CYP4F22: variants seen among roughly 807,000 people sequenced by gnomAD.
CYP4F22 encodes the protein ultra-long-chain fatty acid omega-hydroxylase.
Under a neutral mutation model 60.4 loss-of-function variants are expected in CYP4F22, and 37 were observed. The ratio of observed to expected loss-of-function variants is 0.61; its 90% CI spans 0.47 to 0.81. The LOEUF is 0.81. Ranked by LOEUF, CYP4F22 falls within the 30% of genes least tolerant of loss-of-function variation. The probability of loss-of-function intolerance (pLI) is 0.00; values close to 1 mark genes in which losing one functional copy is unlikely to be tolerated. For missense variants in CYP4F22, 655 were observed against 715.0 expected (o/e 0.92, Z 0.96); for synonymous variants, 258 against 280.5 (o/e 0.92, Z 0.80).
intron 1 of CYP4F22, among the ~76,000 whole-genome samples, chr19:15,518,520 G>T (rs540739281): frequency 1.4e-4 from 21 of 150,080 alleles, no homozygotes; most frequent in Non-Finnish European, 2.1e-4. Context: ...GTGGTGGCAG[G>T]CGCCTGTAAT....
At chr19:15,536,603 A>T (rs1399933534) in intron 4 of CYP4F22, among the ~76,000 whole-genome samples, 1 of 152,166 alleles carries the variant, frequency 6.6e-6, no homozygotes, top group East Asian at 1.9e-4. Flanking sequence ...GGTGTGATTC[A>T]GATGGCCTGA....
chr19:15,525,633 G>A, intron 3 of CYP4F22, 75 bp downstream of exon 3: 2 of 1,418,202 alleles, frequency 1.4e-6, no homozygotes, highest in Non-Finnish European at 1.9e-6. Flanking sequence ...TGGTGGGCCT[G>A]CTGGCTTCCC....
intron 8 of CYP4F22, 46 bp from the exon 9 acceptor site, chr19:15,543,925 G>A (rs1481727031): frequency 6.2e-7 from 1 of 1,608,620 alleles, no homozygotes; most frequent in Non-Finnish European, 8.5e-7. Context: ...CTAGGATGCG[G>A]AGGGTGGGAT....
At chr19:15,549,067 C>T in intron 11 of CYP4F22, 71 bp from the exon 12 acceptor site, 1 of 1,568,670 alleles carries the variant, frequency 6.4e-7, no homozygotes, top group Non-Finnish European at 8.8e-7. Context: ...CTAGGGAGAC[C>T]CAAGTTGGGG....
intron 1 of CYP4F22, among the ~76,000 whole-genome samples, chr19:15,509,935 T>TTTC: frequency 7.2e-6 from 1 of 138,554 alleles, no homozygotes; most frequent in East Asian, 3.2e-4. Flanking sequence ...CTTTCTTTCT[T>TTTC]TCTTTCTTTC....
In CYP4F22 at chr19:15,551,769, C is replaced by T; in HGVS notation, c.*298C>T. ...CCTGCCCCCTTGGGCTCAGGCCCCG[C>T]CCCCAGGATCCTACGGATTGAGGTC... On this transcript the variant is annotated 3_prime_UTR_variant, in exon 14 of 14. Coordinates refer to ENST00000269703, the MANE Select transcript of CYP4F22 (RefSeq NM_173483.4). 4.0e-6 allele frequency: 2 copies of T among 503,694 alleles called. No homozygotes were observed. The highest frequency in any genetic ancestry group is 7.2e-6 in the Non-Finnish European group (2 of 278,206). 31.2% of individuals were successfully genotyped at this position (503,694 alleles called of 1,614,324 possible). A position where few individuals can be genotyped will look rare whatever the true frequency, so the allele number is the denominator to read the frequency against.
In CYP4F22 at chr19:15,546,317, C is replaced by G. The variant is rs559641774; in HGVS notation, c.1137-1791C>G. On this transcript the variant is annotated intron_variant, in intron 10 of 13. Transcript: ENST00000269703. ...AGAGAACCTGGGCCAGGTGCAGTGG[C>G]TCATGCCTGTAATCCCAGCACTTTG... 3.9e-5 allele frequency among the ~76,000 whole-genome samples: 6 copies of G among 152,216 alleles called. No homozygotes were observed. In the South Asian group the frequency reaches 1.2e-3, roughly 32 times the overall value.
At chr19:15,547,963 G>T (rs1213854236) in intron 10 of CYP4F22, 145 bp from the exon 11 acceptor site, 1 of 1,248,932 alleles carries the variant, frequency 8.0e-7, no homozygotes, top group East Asian at 2.4e-5. Flanking sequence ...TTGCCCAGCT[G>T]CCCCTGAGAG....
chr19:15,550,384 C>T (rs930258461), intron 12 of CYP4F22, among the ~76,000 whole-genome samples: 14 of 152,120 alleles, frequency 9.2e-5, no homozygotes, highest in African/African-American at 3.4e-4. Context: ...AAGGCCTTGC[C>T]GAGGAGATGT....
chr19:15,514,687 G>A (rs1205891735), intron 1 of CYP4F22, among the ~76,000 whole-genome samples: 1 of 151,384 alleles, frequency 6.6e-6, no homozygotes, highest in Non-Finnish European at 1.5e-5. Context: ...AAGAAAGAAA[G>A]AAAAAGAAAG....
intron 1 of CYP4F22, among the ~76,000 whole-genome samples, chr19:15,511,315 T>A (rs1175523870): frequency 6.6e-6 from 1 of 151,746 alleles, no homozygotes; most frequent in East Asian, 1.9e-4. Flanking sequence ...AAAAATTAGC[T>A]GAGCATGGTG....
intron 1 of CYP4F22, among the ~76,000 whole-genome samples, chr19:15,515,717 CTCTG>C (rs992224341): frequency 6.9e-4 from 104 of 151,736 alleles, no homozygotes; most frequent in African/African-American, 2.3e-3. Context: ...CAGAGCGAGA[CTCTG>C]TCTTTTTTTT....
At chr19:15,536,881 A>G (rs566466141) in intron 4 of CYP4F22, among the ~76,000 whole-genome samples, 1 of 152,268 alleles carries the variant, frequency 6.6e-6, no homozygotes, top group East Asian at 1.9e-4. Context: ...GCTCATGTTC[A>G]GATCAGTGTT....
chr19:15,509,908 T>TTCCTTC (rs1568350853), intron 1 of CYP4F22, among the ~76,000 whole-genome samples: 1,164 of 100,222 alleles, frequency 0.012, 12 homozygotes, highest in East Asian at 0.019. Context: ...TTCCTTCCTT[T>TTCCTTC]CTTTCTTTCC....
At chr19:15,517,113 G>C (rs971410643) in intron 1 of CYP4F22, among the ~76,000 whole-genome samples, 1 of 152,104 alleles carries the variant, frequency 6.6e-6, no homozygotes, top group Non-Finnish European at 1.5e-5. Context: ...GAGCCACCGT[G>C]CCCGACCTCA....
Position 15,548,344 on chromosome 19 carries a change from C to T in CYP4F22, c.1270+103C>T, listed in dbSNP as rs1284573015. ...TATGCCTGCCCCAGGTGCACTATCC[C>T]TGCAGATGGGATAGCTCTCTGTGTG... On this transcript the variant is annotated intron_variant, in intron 11 of 13. Transcript: ENST00000269703. The T allele has an allele frequency of 1.6e-5, 24 of 1,531,848 alleles. No individual in the cohort carries two copies. In the East Asian group the frequency reaches 5.0e-4, roughly 32 times the overall value. 94.9% of individuals were successfully genotyped at this position (1,531,848 alleles called of 1,614,324 possible).
At chr19:15,515,084 G>A (rs1971137785) in intron 1 of CYP4F22, among the ~76,000 whole-genome samples, 1 of 152,122 alleles carries the variant, frequency 6.6e-6, no homozygotes, top group East Asian at 1.9e-4. Context: ...CAGCTGGCTG[G>A]GCAGCCCTTC....
rs751553962 is a variant in CYP4F22, at chr19:15,549,217, C to T, written c.1335+15C>T. 6 of 1,613,910 alleles carry T rather than the reference C, an allele frequency of 3.7e-6. No homozygotes were observed. In the East Asian group the frequency reaches 1.3e-4, roughly 36 times the overall value. On this transcript the variant is annotated intron_variant, in intron 12 of 13. Transcript: ENST00000269703. Reference sequence around the variant, plus strand: ...CTGACTCCAAGGTGAGTGCCTGCCCCACTCCTCCCTGCCCTCAGGTCCTCC... The same window carrying T: ...CTGACTCCAAGGTGAGTGCCTGCCCTACTCCTCCCTGCCCTCAGGTCCTCC...
chr19:15,542,028 T>C (rs1971468897), intron 8 of CYP4F22, among the ~76,000 whole-genome samples: 1 of 152,080 alleles, frequency 6.6e-6, no homozygotes, highest in Admixed American at 6.5e-5. Flanking sequence ...TTGACCTTAG[T>C]CATTGACTCT....
Sources: allele counts gnomAD v4.1 joint callset (sites outside exome capture counted in the v4.1 genomes callset), GRCh38; gene constraint gnomAD v4.1.1; transcripts MANE v1.5; gene names NCBI Gene and HGNC (gene_info 2026-07-23, HGNC 2026-07-21).